RASA1: variants seen among roughly 807,000 people sequenced by gnomAD.
RASA1 encodes ras GTPase-activating protein 1.
In RASA1, 25 loss-of-function variants were observed where a neutral mutation model predicts 132.2. That is an observed-to-expected ratio of 0.19 (90% CI 0.14 to 0.26). The LOEUF (loss-of-function observed/expected upper bound fraction) is 0.26. Ranked by LOEUF, RASA1 falls within the 10% of genes least tolerant of loss-of-function variation. RASA1 has a pLI of 1.00. For synonymous variants in RASA1, 477 were observed against 449.9 expected (o/e 1.06, Z -0.76); for missense variants, 964 against 1,299.2 (o/e 0.74, Z 3.97).
chr5:87,368,027 GTTCT>G (rs1455122943), intron 11 of RASA1, among the ~76,000 whole-genome samples: 8 of 151,950 alleles, frequency 5.3e-5, no homozygotes, highest in African/African-American at 1.9e-4. Flanking sequence ...GAGACCTGAT[GTTCT>G]TTGTCAGTTT....
At chr5:87,312,302 G>C (rs138190869) in intron 1 of RASA1, among the ~76,000 whole-genome samples, 74 of 152,268 alleles carry the variant, frequency 4.9e-4, no homozygotes, top group African/African-American at 1.6e-3. Context: ...AAGGAAATCT[G>C]TCTTCTGTTA....
Position 87,374,151 on chromosome 5 carries a change from T to C in RASA1, c.1777-12T>C. The stretch of plus-strand genomic sequence containing the variant: ...TGGGGTAATATATATATATATATTT[T>C]TTTTTTTTTAGGTCAGCAGCCTTGT... On this transcript the variant is annotated splice_polypyrimidine_tract_variant and intron_variant, in intron 13 of 24. Transcript: ENST00000274376. The C allele has an allele frequency of 7.1e-7, 1 of 1,414,152 alleles. No homozygotes were observed. The highest frequency in any genetic ancestry group is 9.3e-7 in the Non-Finnish European group (1 of 1,076,250). 87.6% of individuals were successfully genotyped at this position (1,414,152 alleles called of 1,614,324 possible). A position where few individuals can be genotyped will look rare whatever the true frequency, so the allele number is the denominator to read the frequency against.
chr5:87,387,337 G>A (rs896002095), intron 23 of RASA1, among the ~76,000 whole-genome samples: 5 of 152,170 alleles, frequency 3.3e-5, no homozygotes, highest in African/African-American at 7.2e-5. Context: ...AATAAAAGAC[G>A]TGGATTCGGT....
chr5:87,295,822 G>GT (rs113516676), intron 1 of RASA1, among the ~76,000 whole-genome samples: 2,645 of 141,374 alleles, frequency 0.019, 34 homozygotes, highest in African/African-American at 0.032. Flanking sequence ...TCTAGTTTTG[G>GT]TTTTTTTTTT....
At chr5:87,325,075 G>A (rs1757130021) in intron 1 of RASA1, among the ~76,000 whole-genome samples, 1 of 152,102 alleles carries the variant, frequency 6.6e-6, no homozygotes, top group Admixed American at 6.6e-5. Context: ...GTTCCGCAGG[G>A]CTGGGGAGGC....
chr5:87,334,957 C>T (rs551944403), intron 4 of RASA1, among the ~76,000 whole-genome samples: 2 of 152,156 alleles, frequency 1.3e-5, no homozygotes, highest in South Asian at 4.1e-4. Flanking sequence ...GATCTTGCCT[C>T]ACTGCAATCT....
chr5:87,307,197 C>T (rs1379802247), intron 1 of RASA1, among the ~76,000 whole-genome samples: 3 of 152,114 alleles, frequency 2.0e-5, no homozygotes, highest in Admixed American at 2.0e-4. Context: ...AACGATGTCC[C>T]ATTCATCTTT....
chr5:87,325,047 A>C (rs1757126792), intron 1 of RASA1, among the ~76,000 whole-genome samples: 1 of 152,160 alleles, frequency 6.6e-6, no homozygotes, highest in South Asian at 2.1e-4. Flanking sequence ...TAAAGGAAAG[A>C]GGCTTAATTG....
At chr5:87,333,204 C>T (rs1411647998) in intron 3 of RASA1, 63 bp from the exon 4 acceptor site, 19 of 1,587,714 alleles carry the variant, frequency 1.2e-5, no homozygotes, top group Non-Finnish European at 1.5e-5. Context: ...TGTGGATATA[C>T]CTCTTTTGAC....
chr5:87,321,585 A>T (rs1328952127), intron 1 of RASA1, among the ~76,000 whole-genome samples: 1 of 152,224 alleles, frequency 6.6e-6, no homozygotes, highest in African/African-American at 2.4e-5. Flanking sequence ...ATTATGAAGG[A>T]TATGTTAAAG....
chr5:87,270,635 C>T (rs1420338722), intron 1 of RASA1, among the ~76,000 whole-genome samples: 2 of 131,894 alleles, frequency 1.5e-5, no homozygotes, highest in Non-Finnish European at 3.1e-5. Context: ...CCGTAAGCCA[C>T]GGTGCCCGGC....
intron 9 of RASA1, among the ~76,000 whole-genome samples, chr5:87,360,695 A>G (rs906619742): frequency 2.0e-5 from 3 of 152,204 alleles, no homozygotes; most frequent in African/African-American, 7.2e-5. Context: ...AAAACAGGAT[A>G]ATAGAAGTAA....
chr5:87,340,225 C>T (rs547482996), intron 5 of RASA1, among the ~76,000 whole-genome samples: 4 of 152,104 alleles, frequency 2.6e-5, no homozygotes, highest in Non-Finnish European at 5.9e-5. Context: ...GTTCATATGT[C>T]ATCCCTGTTT....
chr5:87,358,825 C>A (rs1341645716), intron 9 of RASA1, among the ~76,000 whole-genome samples: 1 of 152,188 alleles, frequency 6.6e-6, no homozygotes, highest in African/African-American at 2.4e-5. Flanking sequence ...AAGCCAGACT[C>A]TTTCCTTCCT....
intron 1 of RASA1, among the ~76,000 whole-genome samples, chr5:87,307,384 C>A (rs1192967358): frequency 1.3e-5 from 2 of 152,054 alleles, no homozygotes; most frequent in Non-Finnish European, 2.9e-5. Flanking sequence ...TGGCGTCAAC[C>A]CGGGAGGCGG....
intron 6 of RASA1, among the ~76,000 whole-genome samples, chr5:87,345,705 A>G (rs1312373866): frequency 6.6e-6 from 1 of 152,194 alleles, no homozygotes; most frequent in Non-Finnish European, 1.5e-5. Flanking sequence ...TGTATGGATC[A>G]TTTAAAACAA....
rs140068630 is a variant in RASA1, at chr5:87,282,166, G to C, written c.539+13176G>C. ...GTCTGTTGTTTTTATCTACATTTCT[G>C]CTTTTCTTATTGTTTTTTCTTCTTT... On this transcript the variant is annotated intron_variant, in intron 1 of 24. Transcript: ENST00000274376. Among the ~76,000 whole-genome samples, 856 of 151,060 alleles carry C rather than the reference G, an allele frequency of 5.7e-3. 11 individuals are homozygous for C. Among genetic ancestry groups the C allele is most frequent in the African/African-American group, 0.02 (806 of 41,166 alleles).
chr5:87,298,897 A>G (rs1179649216), intron 1 of RASA1, among the ~76,000 whole-genome samples: 1 of 152,196 alleles, frequency 6.6e-6, no homozygotes, highest in Admixed American at 6.5e-5. Context: ...TGTGCACTGC[A>G]TTGTTCAGTT....
intron 3 of RASA1, 46 bp from the exon 4 acceptor site, chr5:87,333,221 A>G (rs1757723593): frequency 1.9e-6 from 3 of 1,603,034 alleles, no homozygotes; most frequent in Middle Eastern, 2.0e-4. Context: ...TGACTTTAAG[A>G]TAAAAAGACT....
Sources: allele counts gnomAD v4.1 joint callset (sites outside exome capture counted in the v4.1 genomes callset), GRCh38; gene constraint gnomAD v4.1.1; transcripts MANE v1.5; gene names NCBI Gene and HGNC (gene_info 2026-07-23, HGNC 2026-07-21).